The following CEP192 variants were observed in gnomAD, a reference collection of about 807,000 sequenced individuals.
CEP192 encodes the protein centrosomal protein 192.
In CEP192, 151 loss-of-function variants were observed where a neutral mutation model predicts 271.8. The observed-to-expected ratio is 0.56, with a 90% CI of 0.49 to 0.64. The LOEUF is 0.64. Among genes scored for constraint, CEP192 ranks in the 30% least tolerant of loss-of-function variants. The probability of loss-of-function intolerance (pLI) is 0.00; values close to 1 mark genes in which losing one functional copy is unlikely to be tolerated. For missense variants in CEP192, 2,910 were observed against 3,020.5 expected (o/e 0.96, Z 0.86); for synonymous variants, 995 against 1,076.5 (o/e 0.92, Z 1.48).
At chr18:13,011,970 A>G (rs1268092863) in intron 4 of CEP192, among the ~76,000 whole-genome samples, 2 of 152,266 alleles carry the variant, frequency 1.3e-5, no homozygotes, top group African/African-American at 4.8e-5. Flanking sequence ...ACTCATCCAC[A>G]AAAAGGAGCA....
chr18:13,026,529 A>G (rs749215630), intron 9 of CEP192, among the ~76,000 whole-genome samples: 7 of 151,994 alleles, frequency 4.6e-5, no homozygotes, highest in South Asian at 2.1e-4. Context: ...TCTGTTATGC[A>G]TATGTTATAC....
At chr18:13,077,324 C>A (rs1306498979) in intron 30 of CEP192, among the ~76,000 whole-genome samples, 1 of 152,094 alleles carries the variant, frequency 6.6e-6, no homozygotes, top group East Asian at 1.9e-4. Flanking sequence ...ACATGATGCT[C>A]AAAGGAAATG....
Position 12,997,057 on chromosome 18 carries a change from C to T in CEP192, c.-4-2364C>T, listed in dbSNP as rs930690910. On this transcript the variant is annotated intron_variant, in intron 1 of 44. Coordinates refer to ENST00000506447, the MANE Select transcript of CEP192 (RefSeq NM_032142.4). ...AAAAGGTGGGAGAAATAACAGCATG[C>T]CCAGCGTGGGAGGGCTTGCACAGAC... 3.9e-5 allele frequency among the ~76,000 whole-genome samples: 6 copies of T among 151,934 alleles called. No homozygotes were observed. The East Asian group carries it at 1.2e-3, about 29-fold the overall frequency.
chr18:13,000,781 C>T (rs1023822026), intron 2 of CEP192, among the ~76,000 whole-genome samples: 1 of 152,202 alleles, frequency 6.6e-6, no homozygotes, highest in Admixed American at 6.5e-5. Context: ...ATGGCAAAAC[C>T]CTGTTTACTA....
At chr18:13,044,973 TTA>T (rs1182859432) in intron 15 of CEP192, among the ~76,000 whole-genome samples, 1 of 152,196 alleles carries the variant, frequency 6.6e-6, no homozygotes, top group Non-Finnish European at 1.5e-5. Flanking sequence ...TTTTAATTTT[TTA>T]TGTCAGTTTT....
intron 37 of CEP192, 128 bp downstream of exon 37, chr18:13,099,709 G>T: frequency 1.8e-6 from 1 of 556,484 alleles, no homozygotes; most frequent in Non-Finnish European, 3.2e-6. Flanking sequence ...CATATTTGTG[G>T]GTTCCACTTC....
Position 13,005,629 on chromosome 18 carries a change from G to C in CEP192, c.291-2827G>C, listed in dbSNP as rs187903350. Among the ~76,000 whole-genome samples, 572 of 152,284 alleles carry C rather than the reference G, an allele frequency of 3.8e-3. 2 individuals are homozygous for C. Among genetic ancestry groups the C allele is most frequent in the African/African-American group, 0.013 (553 of 41,552 alleles). On this transcript the variant is annotated intron_variant, in intron 3 of 44. Coordinates refer to ENST00000506447, the MANE Select transcript of CEP192 (RefSeq NM_032142.4). ...AGACTCAGTGCCTGGGGAGAGGTAA[G>C]TGCTTAGAGCTAGCTCTTGACTCTT...
chr18:13,029,982 C>T lies in CEP192; in HGVS notation c.1370C>T (p.Ser457Phe), dbSNP rs1313138692. The T allele has an allele frequency of 6.5e-7, 1 of 1,549,086 alleles. No homozygotes were observed. Among genetic ancestry groups the T allele is most frequent in the South Asian group, 1.2e-5 (1 of 83,934 alleles). ...AGGCGAACATGTGAATGTCACGAGT[C>T]CATCGAAAAGAATAAAGACAGTAAG... ...CERRTCECHE[S>F]IEKNKDKTDL... Residue 457 changes from serine (S) to phenylalanine (F), a missense_variant, in exon 10 of 45, where the codon TCC becomes TTC. Coordinates refer to ENST00000506447, the MANE Select transcript of CEP192 (RefSeq NM_032142.4).
Position 13,049,319 on chromosome 18 carries a change from C to T in CEP192, c.2528C>T (p.Ala843Val), listed in dbSNP as rs375759982. 7.4e-6 allele frequency: 12 copies of T among 1,613,920 alleles called. No homozygotes were observed. In the African/African-American group the frequency reaches 8.0e-5, roughly 11 times the overall value. ...SVRAPEENTAAIVYVENGESE... is the reference protein window; with the variant it reads ...SVRAPEENTAVIVYVENGESE... ...AGGGCACCAGAAGAAAACACAGCAG[C>T]TATTGTTTATGTTGAAAATGGAGAG... Residue 843 changes from alanine (A) to valine (V), a missense_variant, in exon 16 of 45, where the codon GCT (alanine) becomes GTT (valine). Transcript: ENST00000506447.
chr18:13,029,580 T>A, intron 9 of CEP192, 83 bp from the exon 10 acceptor site: 1 of 837,732 alleles, frequency 1.2e-6, no homozygotes, highest in Non-Finnish European at 1.8e-6. Context: ...AACTATATAA[T>A]TTTTCCCATA....
chr18:13,015,306 CT>C, intron 5 of CEP192, 21 bp from the exon 6 acceptor site: 1 of 1,547,174 alleles, frequency 6.5e-7, no homozygotes, highest in Non-Finnish European at 8.7e-7. Flanking sequence ...GCTTCTCTTA[CT>C]TGCCATTTTG....
intron 9 of CEP192, among the ~76,000 whole-genome samples, chr18:13,020,991 T>A (rs2034958345): frequency 6.6e-6 from 1 of 152,210 alleles, no homozygotes; most frequent in South Asian, 2.1e-4. Flanking sequence ...ATGTATGAAT[T>A]GCAAATTTTC....
At chr18:13,069,927 G>A (rs2037922147) in intron 27 of CEP192, 71 bp downstream of exon 27, 3 of 854,628 alleles carry the variant, frequency 3.5e-6, no homozygotes, top group South Asian at 1.4e-5. Context: ...TTGGGAGGCC[G>A]AGGTGGGTGG....
chr18:13,049,865 T>G lies in CEP192; in HGVS notation c.2991T>G (p.Ser997Arg). 1 of 1,613,962 alleles carries G rather than the reference T, an allele frequency of 6.2e-7. No homozygotes were observed. Among genetic ancestry groups the G allele is most frequent in the Non-Finnish European group, 8.5e-7 (1 of 1,179,922 alleles). The change falls in exon 17 of 45, where the codon AGT becomes AGG. Residue 997 changes from serine to arginine, a missense_variant. Coordinates refer to ENST00000506447, the MANE Select transcript of CEP192 (RefSeq NM_032142.4). Reference protein sequence around the residue: ...STSPLSHSSPSEISGTSSSGC... With the variant: ...STSPLSHSSPREISGTSSSGC... ...CACCACTGAGTCATTCTTCTCCTAG[T>G]GAAATTTCTGGAACGAGTTCATCAG...
rs190400961 is a variant in CEP192, at chr18:13,094,867, C to G, written c.6255-636C>G. On this transcript the variant is annotated intron_variant, in intron 34 of 44. Coordinates refer to ENST00000506447, the MANE Select transcript of CEP192 (RefSeq NM_032142.4). ...TATACCCTTTTCTCCAGTACTCGAT[C>G]CCTAGCCCCATTATCTTCAATATAT... Among the ~76,000 whole-genome samples the G allele has an allele frequency of 7.2e-5, 11 of 152,316 alleles. No homozygotes were observed. The East Asian group carries it at 1.9e-3, about 27-fold the overall frequency.
intron 30 of CEP192, among the ~76,000 whole-genome samples, chr18:13,078,181 T>C (rs1431763882): frequency 1.3e-5 from 2 of 152,166 alleles, no homozygotes; most frequent in Non-Finnish European, 2.9e-5. Flanking sequence ...TGAGAACATG[T>C]GGTGTCTGGT....
At chr18:13,078,597 G>T (rs1598531820) in intron 30 of CEP192, among the ~76,000 whole-genome samples, 1 of 152,166 alleles carries the variant, frequency 6.6e-6, no homozygotes, top group East Asian at 1.9e-4. Context: ...AGCATCTGTT[G>T]TTTCCTGACT....
Position 13,013,016 on chromosome 18 carries a change from G to A in CEP192, c.510G>A (p.Lys170=). 2 of 1,487,158 alleles carry A rather than the reference G, an allele frequency of 1.3e-6. No individual in the cohort carries two copies. Among genetic ancestry groups the A allele is most frequent in the Non-Finnish European group, 1.8e-6 (2 of 1,090,988 alleles). The allele number at this position is 1,487,158 out of a possible 1,614,324, so 92.1% of individuals were successfully genotyped here. A position where few individuals can be genotyped will look rare whatever the true frequency, so the allele number is the denominator to read the frequency against. ...DFHLQSWMNN[K]EPKIVVLDAG... ...ATTTACAGTCATGGATGAATAATAA[G>A]GAACCCAAGGTAACCTTTTATATAT... The change falls in exon 5 of 45, where the codon AAG becomes AAA. Residue 170 remains lysine (K), a synonymous_variant. Coordinates refer to ENST00000506447, the MANE Select transcript of CEP192 (RefSeq NM_032142.4).
intron 38 of CEP192, among the ~76,000 whole-genome samples, chr18:13,103,296 G>A (rs2039800607): frequency 6.6e-6 from 1 of 151,972 alleles, no homozygotes; most frequent in African/African-American, 2.4e-5. Context: ...TAAGCCCTTC[G>A]GTATTTTTGC....
Sources: gnomAD v4.1 joint callset for allele counts (sites outside exome capture counted in the v4.1 genomes callset) on GRCh38, gnomAD v4.1.1 for gene constraint, MANE v1.5 for transcripts, NCBI Gene and HGNC (gene_info 2026-07-23, HGNC 2026-07-21) for gene names.